Variants in PHTF2 observed in about 807,000 individuals in gnomAD.
PHTF2 encodes the protein putative homeodomain transcription factor 2.
In PHTF2, 60 loss-of-function variants were observed where a neutral mutation model predicts 101.2. The ratio of observed to expected loss-of-function variants is 0.59; its 90% confidence interval spans 0.48 to 0.73. PHTF2 has a LOEUF of 0.73. Among genes scored for constraint, PHTF2 ranks in the 30% least tolerant of loss-of-function variants. The pLI, the probability that PHTF2 is intolerant of heterozygous loss-of-function variation, is 0.00. For synonymous variants in PHTF2, 311 were observed against 307.3 expected (o/e 1.01, Z -0.13); for missense variants, 747 against 908.7 (o/e 0.82, Z 2.29).
intron 3 of PHTF2, among the ~76,000 whole-genome samples, chr7:77,890,364 C>T (rs986659768): frequency 2.6e-5 from 4 of 152,014 alleles, no homozygotes; most frequent in East Asian, 3.9e-4. Context: ...TTTGGTCTAT[C>T]GAATAGGATT....
intron 19 of PHTF2, among the ~76,000 whole-genome samples, chr7:77,954,612 G>GTGTATATATATATATATATATATA (rs1426693429): frequency 4.4e-5 from 4 of 90,192 alleles, no homozygotes; most frequent in Admixed American, 1.2e-4. Context: ...CAAGTACTGT[G>GTGTATATATATATATATATATATA]TATATATATA....
chr7:77,820,187 C>CT (rs1204044317), intron 1 of PHTF2, among the ~76,000 whole-genome samples: 1 of 152,168 alleles, frequency 6.6e-6, no homozygotes, highest in Non-Finnish European at 1.5e-5. Flanking sequence ...CCGCACCCGG[C>CT]TTGGGAGACA....
chr7:77,827,701 G>C (rs1001213859), intron 1 of PHTF2, among the ~76,000 whole-genome samples: 13 of 151,544 alleles, frequency 8.6e-5, no homozygotes, highest in African/African-American at 2.9e-4. Context: ...AGAGTGCACT[G>C]GTGTGACCGC....
chr7:77,927,213 CACACACACACAA>C (rs1443890393), intron 11 of PHTF2, among the ~76,000 whole-genome samples: 6 of 126,126 alleles, frequency 4.8e-5, no homozygotes, highest in Admixed American at 1.7e-4. Context: ...CACACACACA[CACACACACACAA>C]ACACACACAT....
chr7:77,824,147 G>A (rs1389377883), intron 1 of PHTF2, among the ~76,000 whole-genome samples: 1 of 152,126 alleles, frequency 6.6e-6, no homozygotes, highest in Admixed American at 6.5e-5. Flanking sequence ...AGAATTGATA[G>A]TGGTGGGAGG....
intron 12 of PHTF2, among the ~76,000 whole-genome samples, 174 bp downstream of exon 11, chr7:77,929,501 A>G (rs1286010646): frequency 1.3e-5 from 2 of 152,070 alleles, no homozygotes; most frequent in Non-Finnish European, 2.9e-5. Flanking sequence ...CTCAGTACTT[A>G]TATTGTGGTT....
Position 77,933,595 on chromosome 7 carries a change from C to T in PHTF2, c.1339-4115C>T, listed in dbSNP as rs559424282. 6.6e-5 allele frequency among the ~76,000 whole-genome samples: 10 copies of T among 152,164 alleles called. No homozygotes were observed. In the South Asian group the frequency reaches 1.9e-3, roughly 28 times the overall value. On this transcript the variant is annotated intron_variant, in intron 12 of 19. Coordinates refer to ENST00000416283, the Ensembl canonical transcript of PHTF2. ...TGAAAGCATAGGGTGTTGAATGAGT[C>T]ATCTGCATATTCATCTAAGTCACTG... is the stretch of plus-strand genomic sequence containing the variant.
chr7:77,805,835 A>T (rs1442020189), intron 1 of PHTF2, among the ~76,000 whole-genome samples: 1 of 152,238 alleles, frequency 6.6e-6, no homozygotes, highest in Non-Finnish European at 1.5e-5. Context: ...GCTTTGGCAA[A>T]TGATTCATTC....
At chr7:77,940,885 G>C (rs1805587428) in intron 15 of PHTF2, among the ~76,000 whole-genome samples, 2 of 152,090 alleles carry the variant, frequency 1.3e-5, no homozygotes, top group South Asian at 4.1e-4. Flanking sequence ...TTTCCTCACA[G>C]AAGTGACCTA....
In PHTF2 at chr7:77,872,371, A is replaced by G. The variant is rs530017231; in HGVS notation, c.147+17537A>G. Among the ~76,000 whole-genome samples the G allele has an allele frequency of 2.0e-5, 3 of 152,332 alleles. No individual in the cohort carries two copies. The East Asian group carries it at 5.8e-4, about 29-fold the overall frequency. ...TGACCACTCAGAGAGGTCCATCCAC[A>G]TACCTCTTCCCCAGATTTGTATAAA... is the stretch of plus-strand genomic sequence containing the variant. On this transcript the variant is annotated intron_variant, in intron 3 of 19. Transcript: ENST00000416283.
At chr7:77,938,642 T>C (rs1004801147) in intron 13 of PHTF2, among the ~76,000 whole-genome samples, 4 of 152,100 alleles carry the variant, frequency 2.6e-5, no homozygotes, top group Non-Finnish European at 4.4e-5. Context: ...CCGGGCGTGG[T>C]GGCGGGCGCC....
chr7:77,809,845 T>G (rs117077909), intron 1 of PHTF2, among the ~76,000 whole-genome samples: 3,368 of 152,260 alleles, frequency 0.022, 52 homozygotes, highest in Middle Eastern at 0.071. Context: ...TGGAATGACC[T>G]TTAGCTTTTC....
intron 1 of PHTF2, among the ~76,000 whole-genome samples, chr7:77,808,743 G>C (rs901669916): frequency 6.6e-6 from 1 of 152,088 alleles, no homozygotes; most frequent in African/African-American, 2.4e-5. Context: ...TCAGTGTAGG[G>C]GTACTTCTGG....
intron 9 of PHTF2, among the ~76,000 whole-genome samples, chr7:77,912,814 C>A (rs1253272223): frequency 7.0e-6 from 1 of 143,406 alleles, no homozygotes; most frequent in African/African-American, 2.6e-5. Context: ...CTCCCTGAAG[C>A]CTCAACCTCC....
intron 1 of PHTF2, among the ~76,000 whole-genome samples, chr7:77,801,645 T>C (rs1792563208): frequency 6.6e-6 from 1 of 152,280 alleles, no homozygotes; most frequent in African/African-American, 2.4e-5. Context: ...CACAGAATTA[T>C]TTTAAAATGT....
chr7:77,905,249 A>AAAAAC (rs1340484209), intron 7 of PHTF2, among the ~76,000 whole-genome samples: 5 of 152,134 alleles, frequency 3.3e-5, no homozygotes, highest in Non-Finnish European at 7.4e-5. Context: ...TTTTAGACAT[A>AAAAAC]GGGTTTTGCT....
intron 11 of PHTF2, chr7:77,923,908 C>T (rs994949268): frequency 1.0e-6 from 1 of 965,618 alleles, no homozygotes; most frequent in African/African-American, 1.8e-5. Context: ...TACCTATTAA[C>T]TTTTAAATTA....
intron 2 of PHTF2, among the ~76,000 whole-genome samples, chr7:77,846,053 T>C (rs1796257340): frequency 6.6e-6 from 1 of 152,166 alleles, no homozygotes; most frequent in Non-Finnish European, 1.5e-5. Flanking sequence ...CCAAGGTCCC[T>C]CCATACCCCT....
At chr7:77,853,001 C>T (rs1379223774) in intron 2 of PHTF2, among the ~76,000 whole-genome samples, 4 of 152,110 alleles carry the variant, frequency 2.6e-5, no homozygotes, top group Non-Finnish European at 4.4e-5. Context: ...CAGTTTTAGG[C>T]TCCTTTCTTT....
Sources: gnomAD v4.1 joint callset for allele counts (sites outside exome capture counted in the v4.1 genomes callset) on GRCh38, gnomAD v4.1.1 for gene constraint, MANE v1.5 for transcripts, NCBI Gene and HGNC (gene_info 2026-07-23, HGNC 2026-07-21) for gene names.